Variants in NICOL1 observed in about 807,000 individuals in gnomAD.
The protein encoded by NICOL1 is NELL2-interacting cell ontogeny regulator 1.
At chr4:2,039,112 C>T in the NICOL1 span, among the ~76,000 whole-genome samples, 1 of 152,104 alleles carries the variant, frequency 6.6e-6, no homozygotes, top group African/African-American at 2.4e-5. Context: ...AATAGAGTCA[C>T]TATCAAAAGA....
the NICOL1 span, chr4:2,042,844 C>A: frequency 6.8e-7 from 1 of 1,463,290 alleles, no homozygotes. Flanking sequence ...CGCGGCGCGA[C>A]GGTCCTCCCG....
the NICOL1 span, among the ~76,000 whole-genome samples, chr4:2,038,237 G>GTGTGTGTATATATATATATATA: frequency 1.1e-5 from 1 of 91,454 alleles, no homozygotes; most frequent in African/African-American, 3.6e-5. Flanking sequence ...TGATCAGTGT[G>GTGTGTGTATATATATATATATA]TATATATATA....
the NICOL1 span, among the ~76,000 whole-genome samples, chr4:2,036,614 C>T: frequency 6.6e-6 from 1 of 152,184 alleles, no homozygotes; most frequent in African/African-American, 2.4e-5. Context: ...TCCACTACAA[C>T]ATGTTCAGGG....
chr4:2,036,651 A>C, the NICOL1 span, among the ~76,000 whole-genome samples: 1 of 152,212 alleles, frequency 6.6e-6, no homozygotes, highest in Non-Finnish European at 1.5e-5. Flanking sequence ...CGTGGAGAAG[A>C]AATCCTCCCT....
At chr4:2,042,057 C>T in the NICOL1 span, 6 of 1,478,386 alleles carry the variant, frequency 4.1e-6, no homozygotes, top group East Asian at 1.5e-4. Context: ...GTCCCGGGGT[C>T]CCTGAACCGC....
At chr4:2,042,064 C>T in the NICOL1 span, 1 of 1,477,990 alleles carries the variant, frequency 6.8e-7, no homozygotes, top group Non-Finnish European at 8.9e-7. Flanking sequence ...GGTCCCTGAA[C>T]CGCGGTAAGG....
the NICOL1 span, among the ~76,000 whole-genome samples, chr4:2,036,948 G>C: frequency 6.6e-6 from 1 of 152,024 alleles, no homozygotes; most frequent in Non-Finnish European, 1.5e-5. Context: ...ATATGGTTTG[G>C]TTCTATGTCG....
chr4:2,042,267 CG>C, the NICOL1 span: 2 of 403,050 alleles, frequency 5.0e-6, no homozygotes, highest in Non-Finnish European at 3.8e-6. Flanking sequence ...CGGGAGGGGA[CG>C]GGGGCTCACC....
chr4:2,041,104 G>C, the NICOL1 span, among the ~76,000 whole-genome samples: 1 of 148,102 alleles, frequency 6.8e-6, no homozygotes, highest in Non-Finnish European at 1.5e-5. Context: ...CGGGAGGTGT[G>C]GTTAGTCCCT....
At chr4:2,042,387 A>G in the NICOL1 span, 2 of 458,294 alleles carry the variant, frequency 4.4e-6, no homozygotes, top group South Asian at 3.3e-5. Context: ...CCCCGATGTC[A>G]CCGCCGCCGC....
chr4:2,039,787 C>G, the NICOL1 span, among the ~76,000 whole-genome samples: 1 of 152,072 alleles, frequency 6.6e-6, no homozygotes, highest in African/African-American at 2.4e-5. Context: ...TCGCAGTGAG[C>G]CTAGATCATG....
the NICOL1 span, chr4:2,043,894 G>A: frequency 6.5e-7 from 1 of 1,549,620 alleles, no homozygotes; most frequent in Non-Finnish European, 8.7e-7. Flanking sequence ...AGAGCGCCGT[G>A]CCCTGTGTGC....
At chr4:2,042,254 C>T in the NICOL1 span, 2 of 1,178,852 alleles carry the variant, frequency 1.7e-6, no homozygotes, top group Non-Finnish European at 2.2e-6. Flanking sequence ...GTCGTGGGGC[C>T]CGCGGGAGGG....
chr4:2,041,977 G>C, the NICOL1 span: 2 of 1,452,644 alleles, frequency 1.4e-6, no homozygotes. Flanking sequence ...GAACCCGGGC[G>C]GGGTCGGGTC....
chr4:2,043,945 T>A, the NICOL1 span: 1 of 1,535,536 alleles, frequency 6.5e-7, no homozygotes, highest in Non-Finnish European at 8.8e-7. Context: ...CTGCTCCGTG[T>A]GAATAAATGC....
At chr4:2,040,613 C>T in the NICOL1 span, among the ~76,000 whole-genome samples, 1 of 152,166 alleles carries the variant, frequency 6.6e-6, no homozygotes, top group Admixed American at 6.5e-5. Flanking sequence ...CTCTTGGCTC[C>T]GAGTGGAGAA....
chr4:2,042,479 C>G, the NICOL1 span: 1 of 419,590 alleles, frequency 2.4e-6, no homozygotes, highest in African/African-American at 2.1e-5. Context: ...GCCGTCCCCG[C>G]GCAGAGTAGG....
chr4:2,040,612 C>G, the NICOL1 span, among the ~76,000 whole-genome samples: 3 of 152,198 alleles, frequency 2.0e-5, no homozygotes, highest in Admixed American at 1.3e-4. Flanking sequence ...GCTCTTGGCT[C>G]CGAGTGGAGA....
At chr4:2,043,440 A>T in the NICOL1 span, among the ~76,000 whole-genome samples, 1 of 152,178 alleles carries the variant, frequency 6.6e-6, no homozygotes, top group African/African-American at 2.4e-5. Flanking sequence ...ACCCCCCACC[A>T]GCCCTAGTGT....
Sources: allele counts gnomAD v4.1 joint callset (sites outside exome capture counted in the v4.1 genomes callset), GRCh38; gene constraint gnomAD v4.1.1; transcripts MANE v1.5; gene names NCBI Gene and HGNC (gene_info 2026-07-23, HGNC 2026-07-21).